The following PIBF1 variants were observed in gnomAD, a reference collection of about 807,000 sequenced individuals.
PIBF1 encodes the protein progesterone immunomodulatory binding factor 1, also known as progesterone-induced-blocking factor 1.
A neutral mutation model predicts 112.5 loss-of-function variants in PIBF1; 90 were observed. The ratio of observed to expected loss-of-function variants is 0.80; its 90% CI spans 0.67 to 0.95. The LOEUF is 0.95. PIBF1 is among the 40% of genes least tolerant of loss of function. PIBF1 has a pLI of 0.00. For synonymous variants in PIBF1, 301 were observed against 288.6 expected (o/e 1.04, Z -0.44); for missense variants, 915 against 852.3 (o/e 1.07, Z -0.92).
intron 12 of PIBF1, among the ~76,000 whole-genome samples, chr13:72,910,419 C>G (rs2040856068): frequency 6.6e-6 from 1 of 152,142 alleles, no homozygotes; most frequent in African/African-American, 2.4e-5. Flanking sequence ...AAGTTTCATA[C>G]TCTTTCTTAC....
intron 5 of PIBF1, among the ~76,000 whole-genome samples, chr13:72,806,168 A>G (rs903628012): frequency 6.6e-6 from 1 of 152,158 alleles, no homozygotes; most frequent in Non-Finnish European, 1.5e-5. Context: ...GTATGTTGCA[A>G]CACTGAAAAC....
intron 9 of PIBF1, among the ~76,000 whole-genome samples, chr13:72,851,228 G>C (rs1192358112): frequency 6.6e-6 from 1 of 152,192 alleles, no homozygotes; most frequent in Admixed American, 6.5e-5. Context: ...CGCAGCTGCA[G>C]TGGCCCAGTC....
At chr13:72,941,933 G>T (rs1443736990) in intron 14 of PIBF1, among the ~76,000 whole-genome samples, 1 of 152,096 alleles carries the variant, frequency 6.6e-6, no homozygotes, top group African/African-American at 2.4e-5. Context: ...CTGAAAATAT[G>T]TCATGCAAAG....
chr13:72,792,432 T>C lies in PIBF1; in HGVS notation c.253-15T>C. 7.1e-7 allele frequency: 1 copy of C among 1,417,504 alleles called. No individual in the cohort carries two copies. 87.8% of individuals were successfully genotyped at this position (1,417,504 alleles called of 1,614,324 possible). Reference sequence around the variant, plus strand: ...TATGACAAATCATATAATTTATCTTTTTCTCTTTACGAAGATTGAAGAATT... The same window carrying C: ...TATGACAAATCATATAATTTATCTTCTTCTCTTTACGAAGATTGAAGAATT... On this transcript the variant is annotated splice_polypyrimidine_tract_variant and intron_variant, in intron 2 of 17. Transcript: ENST00000326291.
chr13:72,895,322 A>G (rs1057087906), intron 11 of PIBF1, among the ~76,000 whole-genome samples: 3 of 149,252 alleles, frequency 2.0e-5, no homozygotes, highest in Admixed American at 6.7e-5. Flanking sequence ...CTTAAATAAT[A>G]TTTAAAATAA....
chr13:72,818,284 C>A (rs1343499975), intron 5 of PIBF1, among the ~76,000 whole-genome samples: 1 of 152,082 alleles, frequency 6.6e-6, no homozygotes, highest in Non-Finnish European at 1.5e-5. Context: ...ATTTGCAGAC[C>A]ACTGGGACAT....
chr13:72,878,802 A>C (rs139002839), intron 10 of PIBF1, among the ~76,000 whole-genome samples: 240 of 152,330 alleles, frequency 1.6e-3, no homozygotes, highest in Middle Eastern at 6.8e-3. Flanking sequence ...GTTCTTGGAC[A>C]TATAAATGTT....
intron 17 of PIBF1, among the ~76,000 whole-genome samples, chr13:73,013,170 G>A (rs1378708104): frequency 1.9e-4 from 29 of 151,334 alleles, no homozygotes; most frequent in African/African-American, 4.8e-4. Flanking sequence ...GCGTGGTGGC[G>A]GGCACCTGTA....
At chr13:72,986,429 A>G (rs1437027056) in intron 16 of PIBF1, among the ~76,000 whole-genome samples, 1 of 152,178 alleles carries the variant, frequency 6.6e-6, no homozygotes, top group Non-Finnish European at 1.5e-5. Context: ...TAAGTCAACA[A>G]TAGCAGTAGA....
intron 9 of PIBF1, among the ~76,000 whole-genome samples, chr13:72,851,307 A>G (rs1228454147): frequency 2.6e-5 from 4 of 152,204 alleles, no homozygotes; most frequent in African/African-American, 9.6e-5. Context: ...ACGGGTTCAG[A>G]AATGCCTGTT....
intron 16 of PIBF1, among the ~76,000 whole-genome samples, chr13:72,996,384 A>G (rs1177121235): frequency 6.6e-6 from 1 of 152,216 alleles, no homozygotes; most frequent in African/African-American, 2.4e-5. Flanking sequence ...CATTTTATCA[A>G]TTATAAAACT....
At chr13:73,008,577 T>G (rs2044107618) in intron 17 of PIBF1, among the ~76,000 whole-genome samples, 1 of 152,184 alleles carries the variant, frequency 6.6e-6, no homozygotes, top group Non-Finnish European at 1.5e-5. Context: ...AGTAGAGATA[T>G]AAATAATTCC....
At chr13:73,007,712 G>A (rs932121168) in intron 17 of PIBF1, among the ~76,000 whole-genome samples, 3 of 151,838 alleles carry the variant, frequency 2.0e-5, no homozygotes, top group Non-Finnish European at 4.4e-5. Flanking sequence ...GGGAGGCTGA[G>A]GCAGGAGAAT....
chr13:72,830,573 C>T (rs1453913363), intron 8 of PIBF1, among the ~76,000 whole-genome samples: 1 of 152,082 alleles, frequency 6.6e-6, no homozygotes, highest in African/African-American at 2.4e-5. Flanking sequence ...TGATGGATTA[C>T]GTTTATTGAT....
intron 17 of PIBF1, among the ~76,000 whole-genome samples, chr13:73,013,250 G>A (rs112968136): frequency 0.12 from 16,908 of 139,488 alleles, 1,142 homozygotes; most frequent in Non-Finnish European, 0.18. Flanking sequence ...GCAGTGAGCC[G>A]AGATCGCGCC....
At chr13:72,926,772 T>A (rs2041497945) in intron 13 of PIBF1, among the ~76,000 whole-genome samples, 1 of 152,238 alleles carries the variant, frequency 6.6e-6, no homozygotes. Flanking sequence ...TCTCTGCTTC[T>A]TCACCAGATT....
chr13:72,901,650 A>C (rs1594157522), intron 11 of PIBF1, among the ~76,000 whole-genome samples: 1 of 151,156 alleles, frequency 6.6e-6, no homozygotes, highest in Non-Finnish European at 1.5e-5. Flanking sequence ...ATGCCACTAC[A>C]CTCCAGCCTG....
In PIBF1 at chr13:72,891,856, T is replaced by G. The variant is rs1363154853; in HGVS notation, c.1323-1928T>G. ...AGCAAAATGTGATGTAGTTAAACAT[T>G]TGAATGTTATTCGGTTATAAAAAGT... On this transcript the variant is annotated intron_variant, in intron 10 of 17. Coordinates refer to ENST00000326291, the MANE Select transcript of PIBF1 (RefSeq NM_006346.4). Among the ~76,000 whole-genome samples the G allele has an allele frequency of 3.9e-5, 6 of 152,162 alleles. No individual in the cohort carries two copies. The East Asian group carries it at 1.2e-3, about 29-fold the overall frequency.
At chr13:72,834,933 A>C (rs1360324346) in intron 8 of PIBF1, among the ~76,000 whole-genome samples, 2 of 152,188 alleles carry the variant, frequency 1.3e-5, no homozygotes, top group Non-Finnish European at 2.9e-5. Context: ...TTGAAGCCTC[A>C]ACCATATGCA....
Sources: gnomAD v4.1 joint callset for allele counts (sites outside exome capture counted in the v4.1 genomes callset) on GRCh38, gnomAD v4.1.1 for gene constraint, MANE v1.5 for transcripts, NCBI Gene and HGNC (gene_info 2026-07-23, HGNC 2026-07-21) for gene names.